TSKU: variants seen among roughly 807,000 people sequenced by gnomAD.
TSKU encodes tsukushi, small leucine rich proteoglycan.
In TSKU, 4 loss-of-function variants were observed where a neutral mutation model predicts 11.2. The observed-to-expected ratio is 0.36, with a 90% CI of 0.18 to 0.82. The LOEUF (loss-of-function observed/expected upper bound fraction) is 0.82. Ranked by LOEUF, TSKU falls within the 40% of genes least tolerant of loss-of-function variation. The probability of loss-of-function intolerance (pLI) is 0.50; values close to 1 mark genes in which losing one functional copy is unlikely to be tolerated. For synonymous variants in TSKU, 220 were observed against 232.2 expected, an observed-to-expected ratio of 0.95 and a Z score of 0.48; for missense variants, 407 against 482.5, an observed-to-expected ratio of 0.84 and a Z score of 1.47.
chr11:76,785,371 A>G (rs1944301761), intron 1 of TSKU, among the ~76,000 whole-genome samples: 1 of 152,186 alleles, frequency 6.6e-6, no homozygotes, highest in Non-Finnish European at 1.5e-5. Flanking sequence ...CACTTCCTAA[A>G]GAGGGTTGGG....
chr11:76,796,660 G>A lies in TSKU; in HGVS notation c.1044G>A (p.Arg348=). 6.9e-7 allele frequency: 1 copy of A among 1,449,818 alleles called. No individual in the cohort carries two copies. The highest frequency in any genetic ancestry group is 9.1e-7 in the Non-Finnish European group (1 of 1,097,454). The allele number at this position is 1,449,818 out of a possible 1,614,324, so 89.8% of individuals were successfully genotyped here. A position where few individuals can be genotyped will look rare whatever the true frequency, so the allele number is the denominator to read the frequency against. ...HCVDTRDSAA[R]GPTIL The stretch of plus-strand genomic sequence containing the variant: ...TAGACACCCGGGATTCTGCTGCCAG[G>A]GGCCCCACCATCTTGTGACAAATGG... The change falls in exon 2 of 2, where the codon AGG becomes AGA. Residue 348 remains arginine (R), a synonymous_variant. Coordinates refer to ENST00000333090, the MANE Select transcript of TSKU (RefSeq NM_015516.4). This position sits in a 1 kb window ranked among gnomAD's most constrained non-coding sequence, Gnocchi z 4.1.
At chr11:76,785,158 G>A (rs1221214733) in intron 1 of TSKU, among the ~76,000 whole-genome samples, 1 of 152,232 alleles carries the variant, frequency 6.6e-6, no homozygotes, top group Non-Finnish European at 1.5e-5. Context: ...CACCAGGAAA[G>A]GCAAAAGCTG....
At chr11:76,793,719 A>G (rs920019480) in intron 1 of TSKU, among the ~76,000 whole-genome samples, 15 of 151,654 alleles carry the variant, frequency 9.9e-5, no homozygotes, top group African/African-American at 3.6e-4. Context: ...ACATTGGAAC[A>G]CTCTGTCCTG....
In TSKU at chr11:76,796,555, T is replaced by C. The variant is rs774121697; in HGVS notation, c.939T>C (p.Asp313=). 4 of 1,594,038 alleles carry C rather than the reference T, an allele frequency of 2.5e-6. No homozygotes were observed. Among genetic ancestry groups the C allele is most frequent in the South Asian group, 1.1e-5 (1 of 89,706 alleles). Residue 313 remains aspartate (D), a synonymous_variant, in exon 2 of 2, where the codon GAT becomes GAC. Coordinates refer to ENST00000333090, the MANE Select transcript of TSKU (RefSeq NM_015516.4). This position sits in a 1 kb window ranked among gnomAD's most constrained non-coding sequence, Gnocchi z 4.1. The stretch of plus-strand genomic sequence containing the variant: ...TGCAGAGCGTCAGCGTGGGCCAGGA[T>C]GTGCGGTGCCGGCGCCTGGTGCGGG... The part of the protein sequence containing the change: ...PALQSVSVGQ[D]VRCRRLVREG...
Position 76,796,787 on chromosome 11 carries a change from T to TCCTCTTC in TSKU, c.*109_*110insCCTCTTC. 1 of 820,558 alleles carries TCCTCTTC rather than the reference T, an allele frequency of 1.2e-6. No homozygotes were observed. The allele number at this position is 820,558 out of a possible 1,614,324, so 50.8% of individuals were successfully genotyped here. A position where few individuals can be genotyped will look rare whatever the true frequency, so the allele number is the denominator to read the frequency against. ...CACCAGTGGGGAGCCCGCAGGCCTA[T>TCCTCTTC]GTGGCAGCGTCACCACAGGAGTTGT... On this transcript the variant is annotated 3_prime_UTR_variant, in exon 2 of 2. Coordinates refer to ENST00000333090, the MANE Select transcript of TSKU (RefSeq NM_015516.4). This position sits in a 1 kb window ranked among gnomAD's most constrained non-coding sequence, Gnocchi z 4.1.
In TSKU at chr11:76,796,644, G is replaced by A. The variant is rs764170991; in HGVS notation, c.1028G>A (p.Arg343Gln). ...PKVALHCVDTRDSAARGPTIL is the reference protein window; with the variant it reads ...PKVALHCVDTQDSAARGPTIL ...GTGGCCCTGCACTGCGTAGACACCCGGGATTCTGCTGCCAGGGGCCCCACC... is the reference window on the plus strand; with the variant it reads ...GTGGCCCTGCACTGCGTAGACACCCAGGATTCTGCTGCCAGGGGCCCCACC... The change falls in exon 2 of 2, where the codon CGG becomes CAG. Residue 343 changes from arginine (R) to glutamine (Q), a missense_variant. Coordinates refer to ENST00000333090, the MANE Select transcript of TSKU (RefSeq NM_015516.4). This position sits in a 1 kb window ranked among gnomAD's most constrained non-coding sequence, Gnocchi z 4.1. 1.3e-5 allele frequency: 19 copies of A among 1,454,176 alleles called. No individual in the cohort carries two copies. The highest frequency in any genetic ancestry group is 5.0e-5 in the East Asian group (2 of 39,982). 90.1% of individuals were successfully genotyped at this position (1,454,176 alleles called of 1,614,324 possible).
chr11:76,793,935 A>G (rs1367436998), intron 1 of TSKU, among the ~76,000 whole-genome samples: 2 of 152,070 alleles, frequency 1.3e-5, no homozygotes, highest in African/African-American at 4.8e-5. Flanking sequence ...TGGTAATGCA[A>G]TCCTGCTGCT....
At position 76,796,491 on chromosome 11, in the gene TSKU, T is replaced by G; in HGVS notation, c.875T>G (p.Val292Gly). The change falls in exon 2 of 2, where the codon GTG (valine) becomes GGG (glycine). Residue 292 changes from valine (V) to glycine (G), a missense_variant. Val to Gly is a moderately radical substitution (Grantham distance 109). Coordinates refer to ENST00000333090, the MANE Select transcript of TSKU (RefSeq NM_015516.4). This position sits in a 1 kb window ranked among gnomAD's most constrained non-coding sequence, Gnocchi z 4.1. ...CTGGACCTTTCGGGCACCAACCTGG[T>G]GCCCCTGCCTGAGGCGCTGCTCCTC... The part of the protein sequence containing the change: ...QELDLSGTNL[V>G]PLPEALLLHL... 1.2e-6 allele frequency: 2 copies of G among 1,612,284 alleles called. No individual in the cohort carries two copies. Among genetic ancestry groups the G allele is most frequent in the Middle Eastern group, 1.7e-4 (1 of 6,036 alleles).
chr11:76,784,760 T>A (rs866763973), intron 1 of TSKU, among the ~76,000 whole-genome samples: 17 of 44,688 alleles, frequency 3.8e-4, no homozygotes, highest in Admixed American at 2.5e-3. Flanking sequence ...GGGGGGGGGG[T>A]GCTCAGAGCT....
In TSKU at chr11:76,796,852, G is replaced by A. The variant is rs371000059; in HGVS notation, c.*174G>A. ...CTTTGGACCTGGGAGCCACACCTAG[G>A]AGCAAAGTCTCACCCCTTTGTCTAC... On this transcript the variant is annotated 3_prime_UTR_variant, in exon 2 of 2. Transcript: ENST00000333090. This position sits in a 1 kb window ranked among gnomAD's most constrained non-coding sequence, Gnocchi z 4.1. 9 of 464,204 alleles carry A rather than the reference G, an allele frequency of 1.9e-5. No individual in the cohort carries two copies. Among genetic ancestry groups the A allele is most frequent in the African/African-American group, 9.9e-5 (5 of 50,308 alleles). 28.8% of individuals were successfully genotyped at this position (464,204 alleles called of 1,614,324 possible). A position where few individuals can be genotyped will look rare whatever the true frequency, so the allele number is the denominator to read the frequency against.
intron 1 of TSKU, among the ~76,000 whole-genome samples, chr11:76,785,934 C>G (rs1169497344): frequency 6.6e-6 from 1 of 152,216 alleles, no homozygotes; most frequent in African/African-American, 2.4e-5. Context: ...GATACTAATT[C>G]TTGCTCCACT....
chr11:76,784,841 C>T (rs570420213), intron 1 of TSKU, among the ~76,000 whole-genome samples: 1 of 152,260 alleles, frequency 6.6e-6, no homozygotes, highest in East Asian at 1.9e-4. Context: ...CCACTGCTCA[C>T]TCCAGTCTTT....
intron 1 of TSKU, among the ~76,000 whole-genome samples, chr11:76,788,212 C>A (rs977941190): frequency 3.3e-5 from 5 of 151,286 alleles, no homozygotes; most frequent in Non-Finnish European, 7.4e-5. Flanking sequence ...AACAGCTGAT[C>A]GAGACAAAGG....
chr11:76,786,784 G>T (rs1944317267), intron 1 of TSKU, among the ~76,000 whole-genome samples: 1 of 152,194 alleles, frequency 6.6e-6, no homozygotes, highest in South Asian at 2.1e-4. Context: ...GCCTGCTTTG[G>T]TCTCTGAGAC....
intron 1 of TSKU, among the ~76,000 whole-genome samples, chr11:76,786,639 C>T (rs1176389542): frequency 6.6e-6 from 1 of 152,082 alleles, no homozygotes; most frequent in African/African-American, 2.4e-5. Flanking sequence ...GTCTCTTGAG[C>T]CTGACCTGGA....
rs1944460085 is a variant in TSKU at position 76,796,813 on chromosome 11, G to C, written c.*135G>C. The C allele has an allele frequency of 1.6e-6, 1 of 631,524 alleles. No individual in the cohort carries two copies. 39.1% of individuals were successfully genotyped at this position (631,524 alleles called of 1,614,324 possible). On this transcript the variant is annotated 3_prime_UTR_variant, in exon 2 of 2. Transcript: ENST00000333090. The surrounding 1 kb of genome is among the most constrained non-coding windows in gnomAD (Gnocchi z 4.1). Reference sequence around the variant, plus strand: ...GTGGCAGCGTCACCACAGGAGTTGTGGGCCTAGGAGAGGCTTTGGACCTGG... The same window carrying C: ...GTGGCAGCGTCACCACAGGAGTTGTCGGCCTAGGAGAGGCTTTGGACCTGG...
chr11:76,785,649 G>T (rs1944304376), intron 1 of TSKU, among the ~76,000 whole-genome samples: 1 of 152,196 alleles, frequency 6.6e-6, no homozygotes, highest in African/African-American at 2.4e-5. Context: ...GGAAGGCAGG[G>T]ACCAAATCAC....
intron 1 of TSKU, among the ~76,000 whole-genome samples, chr11:76,784,719 C>G (rs1053054219): frequency 7.6e-6 from 1 of 131,084 alleles, no homozygotes. Context: ...TAAGTCTAGA[C>G]TTGCAGTGCC....
At chr11:76,785,455 G>A (rs1268103928) in intron 1 of TSKU, among the ~76,000 whole-genome samples, 2 of 152,200 alleles carry the variant, frequency 1.3e-5, no homozygotes, top group Non-Finnish European at 2.9e-5. Flanking sequence ...GAAGGGGCCT[G>A]ACAGGAGATT....
Sources: gnomAD v4.1 joint callset for allele counts (sites outside exome capture counted in the v4.1 genomes callset) on GRCh38, gnomAD v4.1.1 for gene constraint, Gnocchi (gnomAD v3.1) non-coding constraint, MANE v1.5 for transcripts, NCBI Gene and HGNC (gene_info 2026-07-23, HGNC 2026-07-21) for gene names.